Variants in LIMK2 observed in about 807,000 individuals in gnomAD.
The protein encoded by LIMK2 is LIM domain kinase 2.
Under a neutral mutation model 75.7 loss-of-function variants are expected in LIMK2, and 35 were observed. The ratio of observed to expected loss-of-function variants is 0.46; its 90% CI spans 0.35 to 0.61. The LOEUF is 0.61. Ranked by LOEUF, LIMK2 falls within the 20% of genes least tolerant of loss-of-function variation. The probability of loss-of-function intolerance (pLI) is 0.00; values close to 1 mark genes in which losing one functional copy is unlikely to be tolerated. For synonymous variants in LIMK2, 301 were observed against 319.2 expected (o/e 0.94, Z 0.61); for missense variants, 623 against 831.0 (o/e 0.75, Z 3.08).
At chr22:31,276,252 T>C (rs1039970675) in intron 15 of LIMK2, among the ~76,000 whole-genome samples, 5 of 152,096 alleles carry the variant, frequency 3.3e-5, no homozygotes, top group African/African-American at 9.7e-5. Flanking sequence ...GGGGTTCTTT[T>C]CCTGCCATCA....
At chr22:31,243,533 G>C (rs1434036354) in intron 2 of LIMK2, among the ~76,000 whole-genome samples, 7 of 152,154 alleles carry the variant, frequency 4.6e-5, no homozygotes, top group Non-Finnish European at 1.0e-4. Flanking sequence ...GGTTATGAAG[G>C]CTATTGTTCT....
At chr22:31,264,915 C>T (rs1489843378) in intron 7 of LIMK2, among the ~76,000 whole-genome samples, 3 of 151,430 alleles carry the variant, frequency 2.0e-5, no homozygotes, top group Non-Finnish European at 2.9e-5. Flanking sequence ...AAATTAGGGC[C>T]GGGTGTGGTG....
Position 31,226,799 on chromosome 22 carries a change from G to A in LIMK2, c.116+980G>A, listed in dbSNP as rs549244574. Among the ~76,000 whole-genome samples the A allele has an allele frequency of 2.0e-4, 30 of 152,078 alleles. No homozygotes were observed. The South Asian group carries it at 2.5e-3, about 13-fold the overall frequency. On this transcript the variant is annotated intron_variant, in intron 2 of 15. Transcript: ENST00000331728. ...TAATTTTTGTATTTTTAGTAGAGGCGGGGTTTCACCTTGTTGGCCAGGCTG... is the reference window on the plus strand; with the variant it reads ...TAATTTTTGTATTTTTAGTAGAGGCAGGGTTTCACCTTGTTGGCCAGGCTG...
chr22:31,267,933 A>G, intron 10 of LIMK2, 26 bp downstream of exon 10: 1 of 1,577,636 alleles, frequency 6.3e-7, no homozygotes, highest in Non-Finnish European at 8.6e-7. Flanking sequence ...CATAGTCTCC[A>G]GGAGCCTTGG....
intron 1 of LIMK2, among the ~76,000 whole-genome samples, chr22:31,220,728 C>T (rs898778426): frequency 1.7e-4 from 26 of 152,252 alleles, no homozygotes; most frequent in African/African-American, 5.5e-4. Context: ...TTTGGGAGGC[C>T]GAGGTGGGCA....
At position 31,272,611 on chromosome 22, in the gene LIMK2, A is replaced by G. The variant is rs772931048; in HGVS notation, c.1465A>G (p.Thr489Ala). 3 of 1,614,078 alleles carry G rather than the reference A, an allele frequency of 1.9e-6. No individual in the cohort carries two copies. The South Asian group carries it at 3.3e-5, about 18-fold the overall frequency. Residue 489 changes from threonine to alanine, a missense_variant, in exon 13 of 16, where the codon ACC becomes GCC. Physicochemically the swap from Thr to Ala is moderately conservative, Grantham distance 58. Transcript: ENST00000331728. ...ERKRAPMEKA[T>A]TKKRTLRKND... is the part of the protein sequence containing the mutation. The stretch of plus-strand genomic sequence containing the variant: ...GAAAAGGGCCCCCATGGAGAAGGCC[A>G]CCACCAAGAAACGCACCTTGCGCAA...
intron 1 of LIMK2, among the ~76,000 whole-genome samples, chr22:31,221,594 C>T (rs549005043): frequency 3.3e-5 from 5 of 152,240 alleles, no homozygotes; most frequent in Admixed American, 2.6e-4. Flanking sequence ...AAGCAATTCT[C>T]TTGCCTCAGC....
At chr22:31,237,875 T>G (rs1281556457) in intron 2 of LIMK2, among the ~76,000 whole-genome samples, 4 of 149,880 alleles carry the variant, frequency 2.7e-5, no homozygotes, top group Non-Finnish European at 5.9e-5. Flanking sequence ...GAGGCCGAGG[T>G]GGGCAGATCA....
Position 31,263,827 on chromosome 22 carries a change from C to T in LIMK2, c.854+1036C>T, listed in dbSNP as rs1176319710. Among the ~76,000 whole-genome samples the T allele has an allele frequency of 2.0e-5, 3 of 152,114 alleles. No individual in the cohort carries two copies. The East Asian group carries it at 5.8e-4, about 29-fold the overall frequency. On this transcript the variant is annotated intron_variant, in intron 7 of 15. Transcript: ENST00000331728. The stretch of plus-strand genomic sequence containing the variant: ...AGCCTGGGCCACATTCCTGTCTCTA[C>T]AAAGAATAAAAAACTTAACTGGGCA...
At chr22:31,273,129 G>A (rs2048976112) in intron 13 of LIMK2, 1 of 769,464 alleles carries the variant, frequency 1.3e-6, no homozygotes, top group African/African-American at 1.9e-5. Flanking sequence ...TGGAGTCTGA[G>A]GCCCAGAGAA....
At chr22:31,241,696 A>G (rs867906780) in intron 2 of LIMK2, among the ~76,000 whole-genome samples, 11 of 152,314 alleles carry the variant, frequency 7.2e-5, no homozygotes, top group Admixed American at 4.6e-4. Context: ...GGCCTGGCCC[A>G]TACCAGGTGT....
intron 2 of LIMK2, among the ~76,000 whole-genome samples, chr22:31,226,441 G>A (rs2048478940): frequency 6.6e-6 from 1 of 151,748 alleles, no homozygotes; most frequent in Non-Finnish European, 1.5e-5. Flanking sequence ...GACCTCAAAT[G>A]ATGCACCCAC....
chr22:31,212,396 C>A lies in LIMK2; in HGVS notation c.-13C>A. On this transcript the variant is annotated 5_prime_UTR_variant, in exon 1 of 16. Coordinates refer to ENST00000331728, the MANE Select transcript of LIMK2 (RefSeq NM_005569.4). The stretch of plus-strand genomic sequence containing the variant: ...CCCCGCCTCCTCCTCCCCATTTCCG[C>A]GCTCCCGGGACCATGTCCGCGCTGG... The A allele has an allele frequency of 7.5e-7, 1 of 1,339,134 alleles. No individual in the cohort carries two copies. The highest frequency in any genetic ancestry group is 9.7e-7 in the Non-Finnish European group (1 of 1,034,754). 83.0% of individuals were successfully genotyped at this position (1,339,134 alleles called of 1,614,324 possible). A position where few individuals can be genotyped will look rare whatever the true frequency, so the allele number is the denominator to read the frequency against.
At chr22:31,234,375 C>G (rs1370799198) in intron 2 of LIMK2, among the ~76,000 whole-genome samples, 1 of 150,750 alleles carries the variant, frequency 6.6e-6, no homozygotes, top group Non-Finnish European at 1.5e-5. Context: ...TCTGTGTTGT[C>G]TCTCCTACCT....
At chr22:31,264,865 TG>T in intron 7 of LIMK2, among the ~76,000 whole-genome samples, 1 of 151,324 alleles carries the variant, frequency 6.6e-6, no homozygotes, top group East Asian at 2.0e-4. Context: ...GAGACTAGCC[TG>T]GCCAATATGG....
In LIMK2 at chr22:31,265,956, A is replaced by G. The variant is rs1158484065; in HGVS notation, c.865A>G (p.Ser289Gly). The G allele has an allele frequency of 2.5e-6, 4 of 1,613,998 alleles. No individual in the cohort carries two copies. Among genetic ancestry groups the G allele is most frequent in the Non-Finnish European group, 2.5e-6 (3 of 1,179,988 alleles). ...LRRRSLRRSN[S>G]ISKSPGPSSP... ...TTTCCTCATCTTCAGGCGCAGTAAC[A>G]GTATCTCCAAGTCCCCTGGCCCCAG... The change falls in exon 8 of 16, where the codon AGT (serine) becomes GGT (glycine). Residue 289 changes from serine (S) to glycine (G), a missense_variant. Physicochemically the swap from Ser to Gly is moderately conservative, Grantham distance 56. Coordinates refer to ENST00000331728, the MANE Select transcript of LIMK2 (RefSeq NM_005569.4).
intron 2 of LIMK2, among the ~76,000 whole-genome samples, chr22:31,253,126 C>T (rs761763318): frequency 2.0e-5 from 3 of 152,150 alleles, no homozygotes; most frequent in South Asian, 2.1e-4. Context: ...ATAGCCTCAG[C>T]GTATGTAGGC....
At chr22:31,250,236 T>C (rs5997924) in intron 2 of LIMK2, among the ~76,000 whole-genome samples, 37,081 of 152,070 alleles carry the variant, frequency 0.24, 6,531 homozygotes, top group African/African-American at 0.5. Context: ...AGTGTTGAAG[T>C]AGCCACATTT....
rs2123833755 is a variant in LIMK2 at position 31,258,271 on chromosome 22, G to A, written c.117-20G>A. On this transcript the variant is annotated intron_variant, in intron 2 of 15. Transcript: ENST00000331728. ...GTTCCAGGGATCCAGGAGAATTTCA[G>A]TTCTTGTCTTGCCTTTCAGGTGTTC... 2 of 1,582,476 alleles carry A rather than the reference G, an allele frequency of 1.3e-6. No individual in the cohort carries two copies. The highest frequency in any genetic ancestry group is 1.1e-5 in the South Asian group (1 of 87,950).
Sources: gnomAD v4.1 joint callset for allele counts (sites outside exome capture counted in the v4.1 genomes callset) on GRCh38, gnomAD v4.1.1 for gene constraint, MANE v1.5 for transcripts, NCBI Gene and HGNC (gene_info 2026-07-23, HGNC 2026-07-21) for gene names.